Variants in EMCN observed in about 807,000 individuals in gnomAD.
EMCN encodes endomucin, also known as MUC-14.
A neutral mutation model predicts 38.4 loss-of-function variants in EMCN; 37 were observed. That is an observed-to-expected ratio of 0.96 (90% CI 0.74 to 1.27). The LOEUF (loss-of-function observed/expected upper bound fraction) is 1.27. Ranked by LOEUF, EMCN falls within the 50% of genes most tolerant of loss-of-function variation. The probability of loss-of-function intolerance (pLI) is 0.00; values close to 1 mark genes in which losing one functional copy is unlikely to be tolerated. For synonymous variants in EMCN, 95 were observed against 100.8 expected, an observed-to-expected ratio of 0.94 and a Z score of 0.35; for missense variants, 318 against 302.8, an observed-to-expected ratio of 1.05 and a Z score of -0.37.
At chr4:100,444,109 C>T (rs1479023115) in intron 5 of EMCN, among the ~76,000 whole-genome samples, 1 of 152,122 alleles carries the variant, frequency 6.6e-6, no homozygotes, top group Non-Finnish European at 1.5e-5. Flanking sequence ...CAGCACAGCA[C>T]CAGTCCCCCA....
At chr4:100,516,014 T>C (rs1729747092) in intron 1 of EMCN, among the ~76,000 whole-genome samples, 1 of 152,092 alleles carries the variant, frequency 6.6e-6, no homozygotes. Flanking sequence ...GTTTGTTTGT[T>C]TACAGATACT....
rs187241466 is a variant in EMCN at position 100,504,471 on chromosome 4, T to C, written c.64+13380A>G. 8.5e-5 allele frequency among the ~76,000 whole-genome samples: 13 copies of C among 152,356 alleles called. No individual in the cohort carries two copies. The East Asian group carries it at 2.5e-3, about 29-fold the overall frequency. On this transcript the variant is annotated intron_variant, in intron 1 of 11. Coordinates refer to ENST00000296420, the MANE Select transcript of EMCN (RefSeq NM_016242.4). Reference sequence around the variant, plus strand: ...TAGATCTAGATCATAGACATGATTATATATGAATGTCATTAATCATTAGTT... The same window carrying C: ...TAGATCTAGATCATAGACATGATTACATATGAATGTCATTAATCATTAGTT...
intron 8 of EMCN, among the ~76,000 whole-genome samples, chr4:100,417,792 C>A (rs963494496): frequency 6.6e-6 from 1 of 152,150 alleles, no homozygotes; most frequent in Non-Finnish European, 1.5e-5. Context: ...AAGGACATGG[C>A]CTCTCTGGAG....
At chr4:100,419,076 G>A (rs1211308337) in intron 8 of EMCN, among the ~76,000 whole-genome samples, 1 of 151,750 alleles carries the variant, frequency 6.6e-6, no homozygotes, top group East Asian at 1.9e-4. Flanking sequence ...TTATATGCCT[G>A]TTTTAATATT....
intron 1 of EMCN, among the ~76,000 whole-genome samples, chr4:100,498,944 C>G (rs982443725): frequency 9.9e-5 from 15 of 151,874 alleles, no homozygotes; most frequent in Middle Eastern, 3.2e-3. Context: ...GTATGCTTTG[C>G]AGGTATGTTC....
At chr4:100,506,456 G>T (rs546976288) in intron 1 of EMCN, among the ~76,000 whole-genome samples, 39 of 152,080 alleles carry the variant, frequency 2.6e-4, no homozygotes, top group African/African-American at 8.9e-4. Context: ...AGAGGATAAG[G>T]TAGGGTTTAA....
intron 1 of EMCN, among the ~76,000 whole-genome samples, chr4:100,505,098 T>A (rs1416863542): frequency 6.6e-6 from 1 of 152,222 alleles, no homozygotes; most frequent in African/African-American, 2.4e-5. Context: ...CCAGTGGACA[T>A]GTGACCCACA....
chr4:100,433,102 C>G (rs1413635813), intron 5 of EMCN, among the ~76,000 whole-genome samples: 1 of 152,144 alleles, frequency 6.6e-6, no homozygotes, highest in Non-Finnish European at 1.5e-5. Flanking sequence ...TACTTTGTAT[C>G]CTCTAATCTA....
At chr4:100,474,761 T>C (rs1728586713) in intron 3 of EMCN, among the ~76,000 whole-genome samples, 1 of 152,160 alleles carries the variant, frequency 6.6e-6, no homozygotes, top group African/African-American at 2.4e-5. Context: ...GGTCATATAT[T>C]GTATGATTCC....
rs552692553 is a variant in EMCN, at chr4:100,417,289, T to G, written c.665-148A>C. 19 of 752,974 alleles carry G rather than the reference T, an allele frequency of 2.5e-5. No individual in the cohort carries two copies. The African/African-American group carries it at 3.2e-4, about 13-fold the overall frequency. 46.6% of individuals were successfully genotyped at this position (752,974 alleles called of 1,614,324 possible). A position where few individuals can be genotyped will look rare whatever the true frequency, so the allele number is the denominator to read the frequency against. ...TTTTAAAATATTTTAATTTTCCCCT[T>G]GCCAAGCCATTTCCTCAGGTATGGT... On this transcript the variant is annotated intron_variant, in intron 8 of 11. Transcript: ENST00000296420.
chr4:100,498,336 T>C (rs1399263515), intron 1 of EMCN, among the ~76,000 whole-genome samples: 1 of 152,150 alleles, frequency 6.6e-6, no homozygotes, highest in Non-Finnish European at 1.5e-5. Context: ...TTTCCTAATA[T>C]TAGGAGAAAA....
chr4:100,475,709 G>T (rs546535834), intron 2 of EMCN, among the ~76,000 whole-genome samples: 1 of 108,956 alleles, frequency 9.2e-6, no homozygotes, highest in Non-Finnish European at 1.7e-5. Context: ...ACAGAATCTC[G>T]CTCTGTCGCC....
At chr4:100,425,566 A>G (rs906705174) in intron 5 of EMCN, among the ~76,000 whole-genome samples, 4 of 152,080 alleles carry the variant, frequency 2.6e-5, no homozygotes, top group Non-Finnish European at 5.9e-5. Flanking sequence ...CCACATATAT[A>G]CATGGAGATT....
chr4:100,512,190 ACTT>A (rs766671878), intron 1 of EMCN, among the ~76,000 whole-genome samples: 50 of 152,192 alleles, frequency 3.3e-4, no homozygotes, highest in Non-Finnish European at 5.6e-4. Context: ...TCATACGGTG[ACTT>A]CTTCTACTTT....
At position 100,488,898 on chromosome 4, in the gene EMCN, ATT is replaced by A. The variant is rs1372261096; in HGVS notation, c.65-8861_65-8860del. Among the ~76,000 whole-genome samples the A allele has an allele frequency of 1.3e-5, 2 of 152,004 alleles. 1 individual carries two copies. Among genetic ancestry groups the A allele is most frequent in the South Asian group, 4.1e-4 (2 of 4,828 alleles). ...TTTACCTTCTAAAAAATCAGAGAGA[ATT>A]TTTTTTGCCCTGAAAGGTTGTTTTA... is the stretch of plus-strand genomic sequence containing the variant. On this transcript the variant is annotated intron_variant, in intron 1 of 11. Transcript: ENST00000296420.
At chr4:100,436,589 T>C (rs1727359186) in intron 5 of EMCN, among the ~76,000 whole-genome samples, 1 of 152,108 alleles carries the variant, frequency 6.6e-6, no homozygotes, top group Admixed American at 6.6e-5. Context: ...CTGTTCACAA[T>C]AGCAAATATA....
In EMCN at chr4:100,479,933, A is replaced by C. The variant is rs953055678; in HGVS notation, c.171T>G (p.Thr57=). ...SLQKNVVTPT[T]GTTPKGTITN... is the part of the protein sequence containing the mutation. The stretch of plus-strand genomic sequence containing the variant: ...TAATCCTACCTTTAGGAGTTGTTCC[A>C]GTTGTTGGTGTGACAACATTTTTCT... Residue 57 remains threonine (T), a synonymous_variant, in exon 2 of 12, where the codon ACT becomes ACG. Coordinates refer to ENST00000296420, the MANE Select transcript of EMCN (RefSeq NM_016242.4). 3.7e-6 allele frequency: 6 copies of C among 1,608,448 alleles called. No individual in the cohort carries two copies. The highest frequency in any genetic ancestry group is 5.1e-6 in the Non-Finnish European group (6 of 1,177,728).
chr4:100,449,647 T>C (rs1039239294), intron 4 of EMCN, among the ~76,000 whole-genome samples: 8 of 152,108 alleles, frequency 5.3e-5, no homozygotes, highest in Non-Finnish European at 1.0e-4. Context: ...TAGACTTCAC[T>C]GAGAAGACAA....
In EMCN at chr4:100,487,266, A is replaced by G. The variant is rs902134223; in HGVS notation, c.65-7227T>C. Among the ~76,000 whole-genome samples, 9 of 152,288 alleles carry G rather than the reference A, an allele frequency of 5.9e-5. No homozygotes were observed. In the East Asian group the frequency reaches 1.7e-3, roughly 29 times the overall value. ...CCTGTAAGCAACAACAAATCCTTAT[A>G]AGGAAGTTACCTTCCAAGGAAGTAA... On this transcript the variant is annotated intron_variant, in intron 1 of 11. Coordinates refer to ENST00000296420, the MANE Select transcript of EMCN (RefSeq NM_016242.4).
Sources: gnomAD v4.1 joint callset for allele counts (sites outside exome capture counted in the v4.1 genomes callset) on GRCh38, gnomAD v4.1.1 for gene constraint, MANE v1.5 for transcripts, NCBI Gene and HGNC (gene_info 2026-07-23, HGNC 2026-07-21) for gene names.